The following HS3ST4 variants were observed in gnomAD, a reference collection of about 807,000 sequenced individuals.
The protein encoded by HS3ST4 is heparan sulfate-glucosamine 3-sulfotransferase 4.
HS3ST4 carries 17 observed loss-of-function variants against 29.2 expected under a neutral mutation model. The ratio of observed to expected loss-of-function variants is 0.58; its 90% CI spans 0.40 to 0.87. The LOEUF (loss-of-function observed/expected upper bound fraction) is 0.87, where lower values mean the gene tolerates loss of function less well. Ranked by LOEUF, HS3ST4 falls within the 40% of genes least tolerant of loss-of-function variation. The pLI is 0.00. For missense variants in HS3ST4, 627 were observed against 634.5 expected (o/e 0.99, Z 0.13); for synonymous variants, 314 against 285.7 (o/e 1.10, Z -1.00).
chr16:25,968,685 TCG>T (rs1174303592), intron 1 of HS3ST4, among the ~76,000 whole-genome samples: 4 of 152,220 alleles, frequency 2.6e-5, no homozygotes, highest in African/African-American at 9.6e-5. Flanking sequence ...AGTTAATCTC[TCG>T]CACATTGTAT....
intron 1 of HS3ST4, among the ~76,000 whole-genome samples, chr16:25,992,388 G>A (rs944446970): frequency 1.3e-5 from 2 of 152,192 alleles, no homozygotes; most frequent in Admixed American, 1.3e-4. Flanking sequence ...TGGGAGAGAT[G>A]GAAGAGTATT....
intron 1 of HS3ST4, among the ~76,000 whole-genome samples, chr16:25,844,120 A>G (rs1447094568): frequency 1.3e-5 from 2 of 152,246 alleles, no homozygotes; most frequent in Non-Finnish European, 2.9e-5. Flanking sequence ...TATGTTTATT[A>G]AACAATAAAA....
chr16:25,947,073 G>C (rs1038268288), intron 1 of HS3ST4, among the ~76,000 whole-genome samples: 5 of 152,188 alleles, frequency 3.3e-5, no homozygotes, highest in African/African-American at 1.2e-4. Flanking sequence ...GCAAGTGTGT[G>C]TGTGTGGTGA....
chr16:26,009,427 A>G (rs764743690), intron 1 of HS3ST4, among the ~76,000 whole-genome samples: 7 of 152,224 alleles, frequency 4.6e-5, no homozygotes, highest in Non-Finnish European at 8.8e-5. Context: ...AATATTTGTG[A>G]AGTGAGTGAG....
intron 1 of HS3ST4, among the ~76,000 whole-genome samples, chr16:26,001,537 G>A (rs1408476269): frequency 1.3e-5 from 2 of 152,038 alleles, no homozygotes; most frequent in Non-Finnish European, 2.9e-5. Flanking sequence ...CAAGGTAATT[G>A]ATGTTTTGAT....
At chr16:25,972,769 C>G (rs56122375) in intron 1 of HS3ST4, among the ~76,000 whole-genome samples, 14 of 152,000 alleles carry the variant, frequency 9.2e-5, no homozygotes, top group Non-Finnish European at 2.1e-4. Flanking sequence ...GGTGTGAATG[C>G]GAAGAGGGAG....
chr16:26,117,278 G>T (rs985556951), intron 1 of HS3ST4, among the ~76,000 whole-genome samples: 11 of 152,170 alleles, frequency 7.2e-5, no homozygotes, highest in African/African-American at 2.7e-4. Context: ...AACCATAAAT[G>T]AACCAGCACA....
At chr16:25,858,788 T>C (rs1225808326) in intron 1 of HS3ST4, among the ~76,000 whole-genome samples, 3 of 152,146 alleles carry the variant, frequency 2.0e-5, no homozygotes, top group Non-Finnish European at 4.4e-5. Context: ...GTGGTATAAA[T>C]TTTACATAGA....
chr16:25,928,035 C>CCAAA, intron 1 of HS3ST4, among the ~76,000 whole-genome samples: 1 of 50,926 alleles, frequency 2.0e-5, no homozygotes, highest in South Asian at 1.0e-3. Flanking sequence ...CCCATCTCGA[C>CCAAA]AAAAAAAAAA....
chr16:25,842,543 A>C (rs1001260357), intron 1 of HS3ST4, among the ~76,000 whole-genome samples: 3 of 152,172 alleles, frequency 2.0e-5, no homozygotes, highest in African/African-American at 7.2e-5. Flanking sequence ...TTGGACCTGG[A>C]CTGGCATGTT....
intron 1 of HS3ST4, among the ~76,000 whole-genome samples, chr16:25,807,117 C>T (rs1051309882): frequency 2.6e-5 from 4 of 152,104 alleles, no homozygotes; most frequent in Admixed American, 6.6e-5. Context: ...GGATTACAGG[C>T]GCCTGCTACC....
At chr16:26,102,765 G>A (rs1392141338) in intron 1 of HS3ST4, among the ~76,000 whole-genome samples, 4 of 152,196 alleles carry the variant, frequency 2.6e-5, no homozygotes, top group Non-Finnish European at 5.9e-5. Flanking sequence ...CTGGGTGTTG[G>A]ATTCTGTCCA....
intron 1 of HS3ST4, among the ~76,000 whole-genome samples, chr16:25,745,330 A>G (rs529079082): frequency 6.6e-6 from 1 of 152,318 alleles, no homozygotes; most frequent in South Asian, 2.1e-4. Flanking sequence ...TGCTTGGTCC[A>G]TGTGCTACCA....
intron 1 of HS3ST4, among the ~76,000 whole-genome samples, chr16:25,935,422 A>C (rs891853906): frequency 6.6e-6 from 1 of 152,192 alleles, no homozygotes; most frequent in African/African-American, 2.4e-5. Flanking sequence ...TCATTATAGC[A>C]TCACACAGAG....
chr16:26,117,580 TC>T (rs1353967511), intron 1 of HS3ST4, among the ~76,000 whole-genome samples: 1 of 152,198 alleles, frequency 6.6e-6, no homozygotes, highest in African/African-American at 2.4e-5. Flanking sequence ...TGTCTGCTGC[TC>T]CAGCCAGGGC....
chr16:25,830,044 C>T (rs1389061705), intron 1 of HS3ST4, among the ~76,000 whole-genome samples: 6 of 152,146 alleles, frequency 3.9e-5, no homozygotes, highest in Non-Finnish European at 7.4e-5. Context: ...AGGCTGGTGT[C>T]GAGCTCCTGA....
intron 1 of HS3ST4, among the ~76,000 whole-genome samples, chr16:26,035,838 C>T (rs1006848594): frequency 6.6e-6 from 1 of 152,198 alleles, no homozygotes; most frequent in Non-Finnish European, 1.5e-5. Flanking sequence ...GTGGTATCTC[C>T]TTGTTCCTAT....
chr16:26,008,664 T>TA (rs1212266649), intron 1 of HS3ST4, among the ~76,000 whole-genome samples: 3 of 151,930 alleles, frequency 2.0e-5, no homozygotes, highest in East Asian at 3.9e-4. Flanking sequence ...ACTAAAAATA[T>TA]AAAAAATAGC....
intron 1 of HS3ST4, among the ~76,000 whole-genome samples, chr16:25,966,040 G>C (rs372812650): frequency 3.9e-5 from 6 of 152,236 alleles, no homozygotes; most frequent in African/African-American, 1.4e-4. Flanking sequence ...CATTTGTTGA[G>C]AGCCTTCATA....
Sources: allele counts gnomAD v4.1 joint callset (sites outside exome capture counted in the v4.1 genomes callset), GRCh38; gene constraint gnomAD v4.1.1; transcripts MANE v1.5; gene names NCBI Gene and HGNC (gene_info 2026-07-23, HGNC 2026-07-21).